Variants in ATP8A1 observed in about 807,000 individuals in gnomAD.
ATP8A1 encodes the protein phospholipid-transporting ATPase IA.
A neutral mutation model predicts 177.7 loss-of-function variants in ATP8A1; 90 were observed. That is an observed-to-expected ratio of 0.51 (90% confidence interval 0.43 to 0.60). The LOEUF (loss-of-function observed/expected upper bound fraction) is 0.60. Among genes scored for constraint, ATP8A1 ranks in the 20% least tolerant of loss-of-function variants. ATP8A1 has a pLI of 0.00. For synonymous variants in ATP8A1, 493 were observed against 485.9 expected, an observed-to-expected ratio of 1.01 and a Z score of -0.19; for missense variants, 1,072 against 1,392.8, an observed-to-expected ratio of 0.77 and a Z score of 3.67.
chr4:42,454,870 A>G (rs147942051), intron 29 of ATP8A1, among the ~76,000 whole-genome samples: 1,763 of 152,320 alleles, frequency 0.012, 32 homozygotes, highest in African/African-American at 0.04. Flanking sequence ...ATGGAAAATC[A>G]GTTAAGGAAC....
intron 24 of ATP8A1, among the ~76,000 whole-genome samples, chr4:42,491,707 G>C (rs1020087051): frequency 2.6e-5 from 4 of 152,306 alleles, no homozygotes; most frequent in African/African-American, 9.6e-5. Context: ...CCACAGGCCA[G>C]ATGTGCAAAG....
At chr4:42,467,153 T>C (rs907824044) in intron 25 of ATP8A1, among the ~76,000 whole-genome samples, 2 of 152,124 alleles carry the variant, frequency 1.3e-5, no homozygotes, top group Admixed American at 1.3e-4. Context: ...TAAATTTAGT[T>C]TTCTTCATGG....
chr4:42,643,820 T>G (rs1434600679), intron 1 of ATP8A1, among the ~76,000 whole-genome samples: 1 of 152,204 alleles, frequency 6.6e-6, no homozygotes, highest in East Asian at 1.9e-4. Context: ...TTAAGTGACA[T>G]GCTCAAGGCC....
intron 22 of ATP8A1, among the ~76,000 whole-genome samples, chr4:42,508,344 C>T (rs1724669651): frequency 1.3e-5 from 2 of 152,106 alleles, no homozygotes; most frequent in South Asian, 2.1e-4. Context: ...AGGCTGGTCT[C>T]GAACTGCTGG....
intron 4 of ATP8A1, among the ~76,000 whole-genome samples, chr4:42,621,359 A>T (rs1737446925): frequency 6.6e-6 from 1 of 152,256 alleles, no homozygotes; most frequent in South Asian, 2.1e-4. Context: ...TCTATAGAAA[A>T]AGTGTTAATG....
chr4:42,626,987 G>C lies in ATP8A1; in HGVS notation c.164+8C>G, dbSNP rs1329473474. ...GCTGGTCTCATGGCATTCTTTGGTAGTTCTTACCTGACATGGTTATTGCAG... is the reference window on the plus strand; with the variant it reads ...GCTGGTCTCATGGCATTCTTTGGTACTTCTTACCTGACATGGTTATTGCAG... On this transcript the variant is annotated splice_region_variant and intron_variant, in intron 2 of 36. Coordinates refer to ENST00000381668, the MANE Select transcript of ATP8A1 (RefSeq NM_006095.2). The C allele has an allele frequency of 6.2e-7, 1 of 1,608,150 alleles. No homozygotes were observed. The highest frequency in any genetic ancestry group is 1.7e-4 in the Middle Eastern group (1 of 6,050).
intron 33 of ATP8A1, 143 bp downstream of exon 33, chr4:42,443,422 G>A (rs1716850758): frequency 3.7e-6 from 2 of 534,498 alleles, no homozygotes; most frequent in South Asian, 2.8e-5. Flanking sequence ...CGAAACTGTG[G>A]AATTTAAAAA....
At position 42,446,543 on chromosome 4, in the gene ATP8A1, T is replaced by C. The variant is rs1260048373; in HGVS notation, c.2958+40A>G. 9 of 1,584,270 alleles carry C rather than the reference T, an allele frequency of 5.7e-6. No homozygotes were observed. In the South Asian group the frequency reaches 8.9e-5, roughly 16 times the overall value. ...ATAAAATGAGGACAGATGAAAGGTT[T>C]TGATTTTACACGCAAACGAGACCGA... On this transcript the variant is annotated intron_variant, in intron 31 of 36. Transcript: ENST00000381668.
intron 1 of ATP8A1, among the ~76,000 whole-genome samples, chr4:42,634,034 C>T (rs1739027132): frequency 2.0e-5 from 3 of 152,122 alleles, no homozygotes; most frequent in Admixed American, 2.0e-4. Context: ...GAATAACAGC[C>T]TGAATTTATA....
intron 5 of ATP8A1, among the ~76,000 whole-genome samples, chr4:42,605,069 A>G (rs982338299): frequency 6.6e-6 from 1 of 152,220 alleles, no homozygotes; most frequent in Non-Finnish European, 1.5e-5. Flanking sequence ...TGGATTAATG[A>G]AAATGTTCTA....
chr4:42,527,586 T>C (rs903667434), intron 20 of ATP8A1, among the ~76,000 whole-genome samples: 1 of 152,154 alleles, frequency 6.6e-6, no homozygotes, highest in Non-Finnish European at 1.5e-5. Flanking sequence ...GATTCTCTTC[T>C]GGACCCACCC....
At chr4:42,435,651 T>A (rs1483818556) in intron 33 of ATP8A1, among the ~76,000 whole-genome samples, 2 of 152,126 alleles carry the variant, frequency 1.3e-5, no homozygotes, top group Non-Finnish European at 2.9e-5. Context: ...CTCACAGTGC[T>A]CTCTCCAGCT....
chr4:42,558,582 A>G (rs1430478084), intron 15 of ATP8A1, among the ~76,000 whole-genome samples: 3 of 152,232 alleles, frequency 2.0e-5, no homozygotes, highest in African/African-American at 7.2e-5. Context: ...ATATGGCTTA[A>G]TCAGTATAGT....
chr4:42,493,912 ACGAAACGCGCCAG>A lies in ATP8A1; in HGVS notation c.2152-8257_2152-8245del, dbSNP rs570047134. ...TATCAGGTCTAACAAAGGTACTAAC[ACGAAACGCGCCAG>A]GTCCGGTGGCTCCCACCTGTAATCC... On this transcript the variant is annotated intron_variant, in intron 24 of 36. Transcript: ENST00000381668. Among the ~76,000 whole-genome samples the A allele has an allele frequency of 2.2e-3, 330 of 152,210 alleles. 3 individuals are homozygous for A. The highest frequency in any genetic ancestry group is 7.8e-3 in the African/African-American group (324 of 41,546).
intron 36 of ATP8A1, among the ~76,000 whole-genome samples, chr4:42,413,679 A>G (rs1712888147): frequency 6.6e-6 from 1 of 152,192 alleles, no homozygotes; most frequent in East Asian, 1.9e-4. Context: ...CGTCCATGGC[A>G]AGTTCAAGTT....
intron 27 of ATP8A1, among the ~76,000 whole-genome samples, chr4:42,463,960 CTTCT>C (rs1399733321): frequency 2.0e-5 from 3 of 152,166 alleles, no homozygotes; most frequent in Non-Finnish European, 4.4e-5. Flanking sequence ...CCTGATTGCA[CTTCT>C]TTGTCTCCTC....
At chr4:42,416,549 C>T (rs1421276996) in intron 35 of ATP8A1, among the ~76,000 whole-genome samples, 4 of 152,170 alleles carry the variant, frequency 2.6e-5, no homozygotes, top group African/African-American at 7.2e-5. Context: ...ATCAAGTTAA[C>T]GTACAGCATT....
At chr4:42,454,436 TG>T (rs1718257963) in intron 29 of ATP8A1, among the ~76,000 whole-genome samples, 1 of 152,214 alleles carries the variant, frequency 6.6e-6, no homozygotes, top group Non-Finnish European at 1.5e-5. Flanking sequence ...CTAATAAACA[TG>T]CACTATATTA....
chr4:42,567,247 T>C lies in ATP8A1; in HGVS notation c.1340+1914A>G, dbSNP rs143542432. 3.5e-3 allele frequency among the ~76,000 whole-genome samples: 528 copies of C among 152,278 alleles called. 6 individuals are homozygous for C. Among genetic ancestry groups the C allele is most frequent in the African/African-American group, 0.012 (492 of 41,554 alleles). On this transcript the variant is annotated intron_variant, in intron 15 of 36. Transcript: ENST00000381668. ...GGAGAATCCAAGTATATATTTAAAATAAAGCTTGAGGCTGGGCATGGTGGC... is the reference window on the plus strand; with the variant it reads ...GGAGAATCCAAGTATATATTTAAAACAAAGCTTGAGGCTGGGCATGGTGGC...
Sources: allele counts gnomAD v4.1 joint callset (sites outside exome capture counted in the v4.1 genomes callset), GRCh38; gene constraint gnomAD v4.1.1; transcripts MANE v1.5; gene names NCBI Gene and HGNC (gene_info 2026-07-23, HGNC 2026-07-21).